SHANK2: variants seen among roughly 807,000 people sequenced by gnomAD.
SHANK2 encodes the protein SH3 and multiple ankyrin repeat domains 2, also known as SH3 and multiple ankyrin repeat domains protein 2.
In SHANK2, 43 loss-of-function variants were observed where a neutral mutation model predicts 133.7. That is an observed-to-expected ratio of 0.32 (90% confidence interval 0.25 to 0.41). The LOEUF (loss-of-function observed/expected upper bound fraction) is 0.41. SHANK2 is among the 10% of genes least tolerant of loss of function. The pLI is 1.00. For synonymous variants in SHANK2, 1,017 were observed against 952.8 expected (o/e 1.07, Z -1.24); for missense variants, 1,994 against 2,235.8 (o/e 0.89, Z 2.18).
intron 10 of SHANK2, chr11:70,951,100 CT>C (rs1950828932): frequency 2.9e-6 from 1 of 339,966 alleles, no homozygotes; most frequent in South Asian, 2.3e-5. Flanking sequence ...TTCATCTCCC[CT>C]GACTGCTGCA....
chr11:70,820,572 T>A lies in SHANK2; in HGVS notation c.1285A>T (p.Ser429Cys). The part of the protein sequence containing the change: ...RSNSDNNLNA[S>C]APDWAVCSTA... ...GAGCAGACGGCCCAGTCGGGAGCGC[T>A]GGCATTGAGGTTGTTGTCACTGTTG... Residue 429 changes from serine to cysteine, a missense_variant, in exon 12 of 26, where the codon AGC becomes TGC. Physicochemically the swap from Ser to Cys is moderately radical, Grantham distance 112. This residue lies in a region of SHANK2 where 653 missense variants were observed against 563.4 expected (regional missense o/e 1.16). Transcript: ENST00000601538. 1 of 716,858 alleles carries A rather than the reference T, an allele frequency of 1.4e-6. No individual in the cohort carries two copies. Among genetic ancestry groups the A allele is most frequent in the Non-Finnish European group, 2.6e-6 (1 of 384,710 alleles). 44.4% of individuals were successfully genotyped at this position (716,858 alleles called of 1,614,324 possible).
chr11:70,472,796 C>A lies in SHANK2; in HGVS notation c.*73G>T, dbSNP rs2058612188. ...GTTGATGCTCACAGACTTCGCTTGG[C>A]ATTCAGATGTTTCAGCACGAGCCCA... On this transcript the variant is annotated 3_prime_UTR_variant, in exon 26 of 26. Transcript: ENST00000601538. This position sits in a 1 kb window ranked among gnomAD's most constrained non-coding sequence, Gnocchi z 4.4. 1.3e-5 allele frequency: 19 copies of A among 1,441,556 alleles called. No homozygotes were observed. The South Asian group carries it at 2.2e-4, about 17-fold the overall frequency. 89.3% of individuals were successfully genotyped at this position (1,441,556 alleles called of 1,614,324 possible). A position where few individuals can be genotyped will look rare whatever the true frequency, so the allele number is the denominator to read the frequency against.
intron 2 of SHANK2, among the ~76,000 whole-genome samples, chr11:71,164,561 A>G (rs1174056240): frequency 1.3e-5 from 2 of 152,238 alleles, no homozygotes; most frequent in African/African-American, 2.4e-5. Context: ...ACTATGGGTT[A>G]CCAGAAACTA....
intron 2 of SHANK2, among the ~76,000 whole-genome samples, chr11:71,158,707 C>T (rs1952953298): frequency 6.6e-6 from 1 of 152,130 alleles, no homozygotes; most frequent in Admixed American, 6.5e-5. Context: ...GATGCCAAGG[C>T]TTACCAGAAA....
chr11:70,565,609 C>G (rs929696181), intron 17 of SHANK2, among the ~76,000 whole-genome samples: 3 of 152,194 alleles, frequency 2.0e-5, no homozygotes, highest in Non-Finnish European at 1.5e-5. Context: ...TGCCCCACAG[C>G]CTGGAAACGC....
chr11:71,144,293 C>A (rs1470070070), intron 3 of SHANK2, among the ~76,000 whole-genome samples: 12 of 152,228 alleles, frequency 7.9e-5, no homozygotes, highest in African/African-American at 2.4e-4. Flanking sequence ...GGGCTCAGAC[C>A]TCCACTGCGT....
At chr11:71,063,337 A>T (rs964581371) in intron 9 of SHANK2, among the ~76,000 whole-genome samples, 273 of 152,350 alleles carry the variant, frequency 1.8e-3, no homozygotes, top group African/African-American at 6.2e-3. Flanking sequence ...CTCAGGTTCC[A>T]GTTAGTTATT....
At chr11:70,750,913 T>C (rs1361499895) in intron 14 of SHANK2, among the ~76,000 whole-genome samples, 2 of 152,152 alleles carry the variant, frequency 1.3e-5, no homozygotes, top group African/African-American at 4.8e-5. Flanking sequence ...TGTCAACCTA[T>C]TCCATCGGGT....
rs115177784 is a variant in SHANK2 at position 70,582,289 on chromosome 11, C to G, written c.2061+77539G>C. ...CTAACTGTCCCCACACATCCGGGGC[C>G]TCCAAGCCGCTAACTCTACTACTGC... On this transcript the variant is annotated intron_variant, in intron 17 of 25. Transcript: ENST00000601538. 6.8e-3 allele frequency among the ~76,000 whole-genome samples: 1,035 copies of G among 152,370 alleles called. 17 individuals are homozygous for G. Among genetic ancestry groups the G allele is most frequent in the South Asian group, 0.056 (271 of 4,830 alleles).
At chr11:71,124,109 G>A (rs1555102083) in intron 3 of SHANK2, among the ~76,000 whole-genome samples, 1 of 149,452 alleles carries the variant, frequency 6.7e-6, no homozygotes, top group Non-Finnish European at 1.5e-5. Context: ...TGATCATGAT[G>A]GTGATGATGG....
intron 14 of SHANK2, among the ~76,000 whole-genome samples, chr11:70,707,581 C>G (rs184127011): frequency 3.3e-5 from 5 of 152,030 alleles, no homozygotes; most frequent in African/African-American, 9.7e-5. Context: ...TTAAATCTCT[C>G]GCTAGCTACA....
chr11:71,183,350 G>A (rs782171958), intron 2 of SHANK2, among the ~76,000 whole-genome samples: 1 of 152,176 alleles, frequency 6.6e-6, no homozygotes, highest in Non-Finnish European at 1.5e-5. Context: ...CGGGTGAGCA[G>A]AGAGGGGCTC....
intron 14 of SHANK2, among the ~76,000 whole-genome samples, chr11:70,745,209 T>A (rs915747715): frequency 1.3e-5 from 2 of 152,246 alleles, no homozygotes; most frequent in Non-Finnish European, 2.9e-5. Flanking sequence ...GAGCCCCGCC[T>A]TTCTCTGCTA....
At chr11:71,131,104 G>A (rs1555103611) in intron 3 of SHANK2, among the ~76,000 whole-genome samples, 1 of 152,216 alleles carries the variant, frequency 6.6e-6, no homozygotes, top group East Asian at 1.9e-4. Context: ...AGCTGTTCAC[G>A]TGCAATCCGT....
intron 11 of SHANK2, among the ~76,000 whole-genome samples, chr11:70,856,747 A>G (rs1949178720): frequency 6.6e-6 from 1 of 152,142 alleles, no homozygotes; most frequent in Non-Finnish European, 1.5e-5. Flanking sequence ...TTCCTGCTTT[A>G]TTGAATCAGA....
chr11:70,486,787 GCCTCAC>G lies in SHANK2; in HGVS notation c.3500_3505del (p.Gly1167_Glu1168del). On this transcript the variant is annotated inframe_deletion, in exon 25 of 26. Coordinates refer to ENST00000601538, the MANE Select transcript of SHANK2 (RefSeq NM_012309.5). This position sits in a 1 kb window ranked among gnomAD's most constrained non-coding sequence, Gnocchi z 8.0. ...GGACGTGGAATTCAGCGGCCTCCCA[GCCTCAC>G]CCGGAGCACTGGCCTCGGCGCCACC... is the stretch of plus-strand genomic sequence containing the variant. The G allele has an allele frequency of 6.2e-7, 1 of 1,611,954 alleles. No homozygotes were observed. The highest frequency in any genetic ancestry group is 8.5e-7 in the Non-Finnish European group (1 of 1,179,938).
chr11:71,235,746 A>T (rs1350662597), intron 1 of SHANK2, among the ~76,000 whole-genome samples: 5 of 152,212 alleles, frequency 3.3e-5, no homozygotes, highest in African/African-American at 9.6e-5. Context: ...GCCACCATGT[A>T]CAGGCATGCA....
intron 17 of SHANK2, among the ~76,000 whole-genome samples, chr11:70,592,268 C>T (rs910393604): frequency 1.7e-4 from 26 of 152,096 alleles, no homozygotes; most frequent in Non-Finnish European, 1.8e-4. Flanking sequence ...TCGCTGGTCC[C>T]CCAGGGGACA....
At chr11:70,905,657 C>T (rs782131432) in intron 10 of SHANK2, among the ~76,000 whole-genome samples, 24 of 152,136 alleles carry the variant, frequency 1.6e-4, no homozygotes, top group Non-Finnish European at 3.2e-4. Flanking sequence ...ACCCCTTCCG[C>T]CATGTGAGGA....
Sources: allele counts gnomAD v4.1 joint callset (sites outside exome capture counted in the v4.1 genomes callset), GRCh38; gene constraint gnomAD v4.1.1; regional missense constraint gnomAD v4.1.1; non-coding constraint Gnocchi (gnomAD v3.1); transcripts MANE v1.5; gene names NCBI Gene and HGNC (gene_info 2026-07-23, HGNC 2026-07-21).